SV2C: variants seen among roughly 807,000 people sequenced by gnomAD.
SV2C encodes solute carrier family 22 member B3.
SV2C carries 49 observed loss-of-function variants against 79.7 expected under a neutral mutation model. The observed-to-expected ratio is 0.61, with a 90% CI of 0.49 to 0.78. The LOEUF (loss-of-function observed/expected upper bound fraction) is 0.78, where lower values mean the gene tolerates loss of function less well. Among genes scored for constraint, SV2C ranks in the 30% least tolerant of loss-of-function variants. SV2C has a pLI of 0.00. For synonymous variants in SV2C, 334 were observed against 333.2 expected, an observed-to-expected ratio of 1.00 and a Z score of -0.03; for missense variants, 833 against 912.9, an observed-to-expected ratio of 0.91 and a Z score of 1.13.
chr5:76,094,145 C>T (rs962867780), intron 1 of SV2C, among the ~76,000 whole-genome samples: 3 of 152,144 alleles, frequency 2.0e-5, no homozygotes, highest in African/African-American at 7.2e-5. Flanking sequence ...CTATAAGAAA[C>T]TGTGAGTCTC....
chr5:76,278,155 A>G (rs963196839), intron 4 of SV2C, among the ~76,000 whole-genome samples: 2 of 151,802 alleles, frequency 1.3e-5, no homozygotes, highest in African/African-American at 4.8e-5. Context: ...GATTTTGCCC[A>G]TGCTCATGTA....
chr5:76,279,681 G>A (rs911507197), intron 4 of SV2C, among the ~76,000 whole-genome samples: 1 of 152,170 alleles, frequency 6.6e-6, no homozygotes, highest in Non-Finnish European at 1.5e-5. Context: ...AGTGGAGACT[G>A]GCTATAGACC....
chr5:76,226,786 G>T (rs1341740765), intron 4 of SV2C, among the ~76,000 whole-genome samples: 1 of 152,146 alleles, frequency 6.6e-6, no homozygotes, highest in African/African-American at 2.4e-5. Flanking sequence ...GGAAGACACG[G>T]GTGATGGGCC....
chr5:76,049,893 C>T, the SV2C span, among the ~76,000 whole-genome samples: 1 of 152,168 alleles, frequency 6.6e-6, no homozygotes, highest in Non-Finnish European at 1.5e-5. Context: ...TAAAACAAAA[C>T]AAAATTCTCA....
At chr5:75,871,869 T>TTTTA in the SV2C span, among the ~76,000 whole-genome samples, 1 of 140,730 alleles carries the variant, frequency 7.1e-6, no homozygotes, top group Non-Finnish European at 1.5e-5. Context: ...GTATATATAT[T>TTTTA]TTTATTATTA....
In SV2C at chr5:76,187,370, A is replaced by G. The variant is rs572867761; in HGVS notation, c.581-7549A>G. Reference sequence around the variant, plus strand: ...AGTGCCCAGGTGAACTTAGGTAACAAGTAGCACTATTGCTTGACATGGCAT... The same window carrying G: ...AGTGCCCAGGTGAACTTAGGTAACAGGTAGCACTATTGCTTGACATGGCAT... On this transcript the variant is annotated intron_variant, in intron 2 of 12. Coordinates refer to ENST00000502798, the MANE Select transcript of SV2C (RefSeq NM_014979.4). Among the ~76,000 whole-genome samples the G allele has an allele frequency of 1.7e-4, 26 of 152,332 alleles. No homozygotes were observed. The South Asian group carries it at 5.2e-3, about 30-fold the overall frequency.
chr5:75,996,994 T>C, the SV2C span, among the ~76,000 whole-genome samples: 73 of 148,656 alleles, frequency 4.9e-4, no homozygotes, highest in African/African-American at 1.8e-3. Flanking sequence ...CCTGCCTGAC[T>C]GTCCTGGCCA....
chr5:76,085,826 T>TACATACAC (rs1554031709), intron 1 of SV2C, among the ~76,000 whole-genome samples: 2 of 141,866 alleles, frequency 1.4e-5, no homozygotes, highest in Non-Finnish European at 3.1e-5. Flanking sequence ...ACAAAGCCCC[T>TACATACAC]ACACACACAC....
chr5:75,921,770 A>G, the SV2C span: 1 of 347,456 alleles, frequency 2.9e-6, no homozygotes, highest in East Asian at 5.9e-5. Flanking sequence ...GTATCTACCA[A>G]GCTCGTGCCA....
the SV2C span, among the ~76,000 whole-genome samples, chr5:76,056,624 C>CTTTTTT: frequency 1.1e-3 from 72 of 65,606 alleles, no homozygotes; most frequent in Middle Eastern, 0.016. Context: ...CCTGGGCTTT[C>CTTTTTT]TTTTTTTTTT....
intron 2 of SV2C, among the ~76,000 whole-genome samples, chr5:76,193,187 G>A (rs1367509427): frequency 6.6e-6 from 1 of 152,156 alleles, no homozygotes; most frequent in Non-Finnish European, 1.5e-5. Flanking sequence ...TTTACACTTT[G>A]TTCTGTTCTG....
intron 4 of SV2C, among the ~76,000 whole-genome samples, chr5:76,254,028 C>G (rs1746190801): frequency 6.6e-6 from 1 of 151,980 alleles, no homozygotes; most frequent in Admixed American, 6.6e-5. Flanking sequence ...CACCTGTAAT[C>G]CAAGCACTTT....
chr5:76,107,397 A>G (rs1371259661), intron 1 of SV2C, among the ~76,000 whole-genome samples: 1 of 152,246 alleles, frequency 6.6e-6, no homozygotes, highest in Non-Finnish European at 1.5e-5. Context: ...AAATGCTGCC[A>G]TGAAATACTG....
chr5:76,259,739 G>A (rs1417135681), intron 4 of SV2C, among the ~76,000 whole-genome samples: 1 of 152,018 alleles, frequency 6.6e-6, no homozygotes, highest in East Asian at 1.9e-4. Flanking sequence ...GAAGATGATG[G>A]TTTTCAGCTT....
chr5:76,073,131 T>C, the SV2C span, among the ~76,000 whole-genome samples: 1 of 152,196 alleles, frequency 6.6e-6, no homozygotes, highest in Non-Finnish European at 1.5e-5. Flanking sequence ...TTGTTGCATT[T>C]GTGCTCGGTT....
chr5:75,888,917 C>T, the SV2C span, among the ~76,000 whole-genome samples: 6 of 151,990 alleles, frequency 3.9e-5, no homozygotes, highest in South Asian at 4.2e-4. Context: ...CCTCACAATT[C>T]TAGAGGCCAG....
In SV2C at chr5:76,117,801, T is replaced by C. The variant is rs185028466; in HGVS notation, c.-101-13849T>C. 2.4e-3 allele frequency among the ~76,000 whole-genome samples: 358 copies of C among 152,204 alleles called. 3 individuals carry two copies. Among genetic ancestry groups the C allele is most frequent in the Non-Finnish European group, 6.0e-4 (41 of 67,984 alleles). On this transcript the variant is annotated intron_variant, in intron 1 of 12. Coordinates refer to ENST00000502798, the MANE Select transcript of SV2C (RefSeq NM_014979.4). ...TAAAGTTAATTAGAACGAATATAGATGAATGTTTTGGAAGTTCGGGAGGGC... is the reference window on the plus strand; with the variant it reads ...TAAAGTTAATTAGAACGAATATAGACGAATGTTTTGGAAGTTCGGGAGGGC...
At chr5:76,267,425 A>C (rs1291693188) in intron 4 of SV2C, among the ~76,000 whole-genome samples, 1 of 152,214 alleles carries the variant, frequency 6.6e-6, no homozygotes, top group African/African-American at 2.4e-5. Context: ...GTACAATATG[A>C]TGATTTTTTT....
the SV2C span, among the ~76,000 whole-genome samples, chr5:75,847,997 T>C: frequency 2.0e-5 from 3 of 152,234 alleles, no homozygotes; most frequent in South Asian, 6.2e-4. Context: ...ATGGTATTTA[T>C]GAAAAAAAGT....
Sources: gnomAD v4.1 joint callset for allele counts (sites outside exome capture counted in the v4.1 genomes callset) on GRCh38, gnomAD v4.1.1 for gene constraint, MANE v1.5 for transcripts, NCBI Gene and HGNC (gene_info 2026-07-23, HGNC 2026-07-21) for gene names.